The following WWOX variants were observed in gnomAD, a reference collection of about 807,000 sequenced individuals.
WWOX encodes the protein WW domain containing oxidoreductase, also known as WW domain-containing oxidoreductase.
Under a neutral mutation model 46.2 loss-of-function variants are expected in WWOX, and 69 were observed. The observed-to-expected ratio is 1.49, with a 90% CI of 1.23 to 1.82. WWOX has a LOEUF of 1.82. Ranked by LOEUF, WWOX falls within the 40% of genes most tolerant of loss-of-function variation. The probability of loss-of-function intolerance (pLI) is 0.00; values close to 1 mark genes in which losing one functional copy is unlikely to be tolerated. For missense variants in WWOX, 919 were observed against 542.6 expected (o/e 1.69, Z -6.89); for synonymous variants, 359 against 202.6 (o/e 1.77, Z -6.56).
At chr16:78,521,071 T>A (rs1050159436) in intron 8 of WWOX, among the ~76,000 whole-genome samples, 6 of 152,192 alleles carry the variant, frequency 3.9e-5, no homozygotes, top group Admixed American at 3.3e-4. Flanking sequence ...AGAATTGAGT[T>A]GATTCTGTTT....
At chr16:78,494,967 G>A (rs374172632) in intron 8 of WWOX, among the ~76,000 whole-genome samples, 2 of 152,148 alleles carry the variant, frequency 1.3e-5, no homozygotes, top group East Asian at 3.9e-4. Flanking sequence ...GCCATCAGAT[G>A]AGTGGAGGTT....
At chr16:78,158,397 G>T (rs2034675350) in intron 4 of WWOX, among the ~76,000 whole-genome samples, 1 of 152,066 alleles carries the variant, frequency 6.6e-6, no homozygotes, top group Non-Finnish European at 1.5e-5. Context: ...ACAAAATATG[G>T]TATTTTTTAG....
At chr16:78,886,785 G>T (rs115904537) in intron 8 of WWOX, among the ~76,000 whole-genome samples, 199 of 152,104 alleles carry the variant, frequency 1.3e-3, no homozygotes, top group Middle Eastern at 6.8e-3. Flanking sequence ...TGAAATTCTG[G>T]TTCCACCTGC....
chr16:78,764,795 A>C (rs908037724), intron 8 of WWOX, among the ~76,000 whole-genome samples: 1 of 151,952 alleles, frequency 6.6e-6, no homozygotes, highest in Admixed American at 6.6e-5. Flanking sequence ...TGAACACGGT[A>C]AACAACTTAC....
intron 5 of WWOX, among the ~76,000 whole-genome samples, chr16:78,274,673 A>G (rs749975990): frequency 2.0e-5 from 3 of 152,212 alleles, no homozygotes; most frequent in Middle Eastern, 3.4e-3. Context: ...TGTCTTCTGC[A>G]TTGGCTTCAG....
At chr16:79,160,393 C>A (rs1241828611) in intron 8 of WWOX, among the ~76,000 whole-genome samples, 1 of 152,112 alleles carries the variant, frequency 6.6e-6, no homozygotes, top group African/African-American at 2.4e-5. Context: ...CACCTGCATT[C>A]CCCTAGACAA....
Position 78,789,226 on chromosome 16 carries a change from G to T in WWOX, c.1056+356474G>T, listed in dbSNP as rs769143035. On this transcript the variant is annotated intron_variant, in intron 8 of 8. Transcript: ENST00000566780. ...AGAAGGGAAACATGGTTTCAGAAAA[G>T]AGTTTTTCCCTGAAACCACCCCTCT... Among the ~76,000 whole-genome samples the T allele has an allele frequency of 2.0e-4, 31 of 152,076 alleles. 1 individual carries two copies. The highest frequency in any genetic ancestry group is 7.4e-5 in the Non-Finnish European group (5 of 67,996).
intron 4 of WWOX, among the ~76,000 whole-genome samples, chr16:78,141,808 C>T (rs1429034803): frequency 6.6e-6 from 1 of 151,662 alleles, no homozygotes; most frequent in African/African-American, 2.4e-5. Flanking sequence ...GTATTGATTT[C>T]AGAATTATAC....
rs571175450 is a variant in WWOX, at chr16:78,337,969, A to C, written c.517-48891A>C. Among the ~76,000 whole-genome samples, 48 of 119,894 alleles carry C rather than the reference A, an allele frequency of 4.0e-4. 12 individuals are homozygous for C. The highest frequency in any genetic ancestry group is 1.2e-3 in the African/African-American group (44 of 35,380). 78.7% of individuals were successfully genotyped at this position (119,894 alleles called of 152,430 possible). A position where few individuals can be genotyped will look rare whatever the true frequency, so the allele number is the denominator to read the frequency against. On this transcript the variant is annotated intron_variant, in intron 5 of 8. Coordinates refer to ENST00000566780, the MANE Select transcript of WWOX (RefSeq NM_016373.4). ...CTTCATCAGTAAGAGACCTCACAAGATGCTTTATCAGGTCACTTGGCAACC... is the reference window on the plus strand; with the variant it reads ...CTTCATCAGTAAGAGACCTCACAAGCTGCTTTATCAGGTCACTTGGCAACC...
In WWOX at chr16:79,010,884, C is replaced by G. The variant is rs116023968; in HGVS notation, c.1057-200724C>G. Among the ~76,000 whole-genome samples the G allele has an allele frequency of 5.9e-5, 9 of 151,768 alleles. 1 individual carries two copies. In the South Asian group the frequency reaches 1.5e-3, roughly 25 times the overall value. On this transcript the variant is annotated intron_variant, in intron 8 of 8. Transcript: ENST00000566780. ...GAGTGCGGGAGATGGGAACAGAGAG[C>G]GAGAGGGCAGACGGGGTCATGTTGT... is the stretch of plus-strand genomic sequence containing the variant.
At position 78,825,103 on chromosome 16, in the gene WWOX, C is replaced by T. The variant is rs568560136; in HGVS notation, c.1057-386505C>T. On this transcript the variant is annotated intron_variant, in intron 8 of 8. Transcript: ENST00000566780. ...AACTCCACTTCATAAATGAGGATGC[C>T]GGCACTCGGGGAGGTCAAGTGAGTT... 1.2e-4 allele frequency among the ~76,000 whole-genome samples: 18 copies of T among 152,084 alleles called. 1 individual carries two copies. The highest frequency in any genetic ancestry group is 3.6e-4 in the African/African-American group (15 of 41,480).
intron 8 of WWOX, among the ~76,000 whole-genome samples, chr16:79,125,166 A>G (rs959173326): frequency 2.6e-5 from 4 of 152,112 alleles, no homozygotes; most frequent in African/African-American, 9.7e-5. Flanking sequence ...AGAATGATGA[A>G]TATTCATTTT....
intron 5 of WWOX, among the ~76,000 whole-genome samples, chr16:78,287,929 T>A (rs1044460316): frequency 6.6e-6 from 1 of 152,156 alleles, no homozygotes; most frequent in Non-Finnish European, 1.5e-5. Flanking sequence ...GAGCTGAAAC[T>A]CTCTCTTTCC....
chr16:78,894,471 G>T (rs547984483), intron 8 of WWOX, among the ~76,000 whole-genome samples: 5 of 152,196 alleles, frequency 3.3e-5, no homozygotes, highest in African/African-American at 1.2e-4. Context: ...TTTGTAGTCA[G>T]CCTCTCTACT....
intron 8 of WWOX, among the ~76,000 whole-genome samples, chr16:79,001,389 G>T (rs1029673576): frequency 4.6e-5 from 7 of 152,124 alleles, no homozygotes; most frequent in African/African-American, 1.7e-4. Context: ...TGGAGCGAAG[G>T]ATTTGTAGCA....
intron 5 of WWOX, among the ~76,000 whole-genome samples, chr16:78,222,706 A>G (rs1394497938): frequency 6.6e-6 from 1 of 152,142 alleles, no homozygotes; most frequent in African/African-American, 2.4e-5. Flanking sequence ...AGCAGTTTAT[A>G]CCTTGGGAGC....
At chr16:78,604,592 CTAT>C (rs961379930) in intron 8 of WWOX, among the ~76,000 whole-genome samples, 32 of 151,776 alleles carry the variant, frequency 2.1e-4, no homozygotes, top group African/African-American at 7.5e-4. Context: ...TTTTAGGATT[CTAT>C]TATTTACCCT....
At chr16:78,996,893 C>G (rs924864495) in intron 8 of WWOX, among the ~76,000 whole-genome samples, 1 of 152,228 alleles carries the variant, frequency 6.6e-6, no homozygotes, top group Non-Finnish European at 1.5e-5. Context: ...CGTCCACAGT[C>G]CCTGCTCCGG....
chr16:79,175,118 C>G (rs561622566), intron 8 of WWOX, among the ~76,000 whole-genome samples: 1 of 152,304 alleles, frequency 6.6e-6, no homozygotes, highest in East Asian at 1.9e-4. Context: ...TTGGGGCAAC[C>G]TACTGGGTCT....
Sources: allele counts gnomAD v4.1 joint callset (sites outside exome capture counted in the v4.1 genomes callset), GRCh38; gene constraint gnomAD v4.1.1; transcripts MANE v1.5; gene names NCBI Gene and HGNC (gene_info 2026-07-23, HGNC 2026-07-21).